KANK1: variants seen among roughly 807,000 people sequenced by gnomAD.
KANK1 encodes the protein KN motif and ankyrin repeat domain-containing protein 1.
Under a neutral mutation model 106.2 loss-of-function variants are expected in KANK1, and 109 were observed. The observed-to-expected ratio is 1.03, with a 90% CI of 0.88 to 1.20. KANK1 has a LOEUF of 1.20. Among genes scored for constraint, KANK1 ranks in the 50% most tolerant of loss-of-function variants. KANK1 has a pLI of 0.00. For synonymous variants in KANK1, 873 were observed against 652.2 expected (o/e 1.34, Z -5.16); for missense variants, 2,399 against 1,710.7 (o/e 1.40, Z -7.10).
intron 3 of KANK1, among the ~76,000 whole-genome samples, chr9:499,235 A>G (rs1421332003): frequency 6.6e-6 from 1 of 152,112 alleles, no homozygotes; most frequent in Non-Finnish European, 1.5e-5. Flanking sequence ...TTCCATTCCT[A>G]GATACATACC....
chr9:712,651 G>T lies in KANK1; in HGVS notation c.1885G>T (p.Gly629Cys). 3 of 1,614,144 alleles carry T rather than the reference G, an allele frequency of 1.9e-6. No individual in the cohort carries two copies. The highest frequency in any genetic ancestry group is 2.5e-6 in the Non-Finnish European group (3 of 1,180,034). ...NLNLKEVRSI[G>C]CGDCSVDVTV... ...GAATCTCAAAGAAGTGCGGTCTATC[G>T]GTTGTGGAGATTGTTCTGTTGACGT... Residue 629 changes from glycine to cysteine, a missense_variant, in exon 3 of 12, where the codon GGT (glycine) becomes TGT (cysteine). Coordinates refer to ENST00000382297, the MANE Select transcript of KANK1 (RefSeq NM_015158.5).
intron 1 of KANK1, among the ~76,000 whole-genome samples, chr9:567,655 C>T (rs771833100): frequency 6.6e-6 from 1 of 152,184 alleles, no homozygotes; most frequent in Non-Finnish European, 1.5e-5. Flanking sequence ...ATAAATGAAA[C>T]ATGTTTGGAA....
At chr9:615,623 G>C (rs776965746) in intron 1 of KANK1, among the ~76,000 whole-genome samples, 4 of 152,170 alleles carry the variant, frequency 2.6e-5, no homozygotes, top group Non-Finnish European at 5.9e-5. Flanking sequence ...TTTAGGTAAA[G>C]ACTTAATTAA....
intron 1 of KANK1, among the ~76,000 whole-genome samples, chr9:671,292 T>A (rs1028096720): frequency 2.5e-4 from 38 of 151,906 alleles, no homozygotes; most frequent in African/African-American, 9.0e-4. Context: ...CAGTTGACAT[T>A]CATATAAAGA....
intron 1 of KANK1, among the ~76,000 whole-genome samples, chr9:583,958 G>A (rs1278254481): frequency 6.6e-6 from 1 of 152,048 alleles, no homozygotes; most frequent in Non-Finnish European, 1.5e-5. Flanking sequence ...GGGTGTGGAG[G>A]AGTGGGTATT....
intron 1 of KANK1, among the ~76,000 whole-genome samples, chr9:586,603 T>C (rs1312749324): frequency 6.6e-6 from 1 of 152,170 alleles, no homozygotes; most frequent in Non-Finnish European, 1.5e-5. Context: ...AAGCCATGTG[T>C]GTGTTATGGA....
chr9:714,175 C>T (rs1564060457), intron 3 of KANK1, among the ~76,000 whole-genome samples: 1 of 152,054 alleles, frequency 6.6e-6, no homozygotes, highest in Non-Finnish European at 1.5e-5. Context: ...GAGCCCCTGT[C>T]CCTGCGGTGC....
chr9:744,301 T>C (rs548364455), intron 10 of KANK1, among the ~76,000 whole-genome samples, 190 bp from the exon 11 acceptor site: 7 of 152,334 alleles, frequency 4.6e-5, no homozygotes, highest in African/African-American at 1.7e-4. Context: ...GGTGGAGGCT[T>C]GCCTCATTCA....
chr9:584,431 C>T (rs1356682589), intron 1 of KANK1, among the ~76,000 whole-genome samples: 1 of 152,078 alleles, frequency 6.6e-6, no homozygotes, highest in Non-Finnish European at 1.5e-5. Flanking sequence ...CAAAGTACTA[C>T]TTTGAAGGAA....
At chr9:740,565 C>T (rs1216528474) in intron 8 of KANK1, among the ~76,000 whole-genome samples, 3 of 152,226 alleles carry the variant, frequency 2.0e-5, no homozygotes, top group African/African-American at 7.2e-5. Flanking sequence ...GCTGTGGAAG[C>T]TTACCGTTGT....
intron 1 of KANK1, among the ~76,000 whole-genome samples, chr9:511,569 G>C (rs890407809): frequency 6.9e-6 from 1 of 144,298 alleles, no homozygotes; most frequent in Non-Finnish European, 1.5e-5. Flanking sequence ...TGTTGGTTGA[G>C]GCAGTCACCT....
intron 3 of KANK1, among the ~76,000 whole-genome samples, chr9:728,623 C>G (rs1490066376): frequency 6.6e-6 from 1 of 152,168 alleles, no homozygotes; most frequent in African/African-American, 2.4e-5. Flanking sequence ...AGTCTGGTAC[C>G]TATTTAGGTC....
At chr9:706,772 C>G in intron 2 of KANK1, 1 of 985,334 alleles carries the variant, frequency 1.0e-6, no homozygotes, top group Non-Finnish European at 1.2e-6. Flanking sequence ...TGAGTGCTGC[C>G]CGGATCCTGA....
At chr9:568,585 G>A (rs189622351) in intron 1 of KANK1, among the ~76,000 whole-genome samples, 202 of 152,220 alleles carry the variant, frequency 1.3e-3, no homozygotes, top group Non-Finnish European at 2.0e-3. Flanking sequence ...AAACTCCTGG[G>A]CTCAAGCTAT....
Position 522,872 on chromosome 9 carries a change from C to G in KANK1, c.-84+18118C>G, listed in dbSNP as rs138918028. Among the ~76,000 whole-genome samples, 410 of 151,768 alleles carry G rather than the reference C, an allele frequency of 2.7e-3. 1 individual carries two copies. Among genetic ancestry groups the G allele is most frequent in the Non-Finnish European group, 4.9e-3 (336 of 68,018 alleles). On this transcript the variant is annotated intron_variant, in intron 1 of 11. Transcript: ENST00000382297. ...GTGCTGACAGCTCATGGGAATTAAG[C>G]CAGAATTGGCCCAAAAGCTAAATGC... is the stretch of plus-strand genomic sequence containing the variant.
chr9:491,010 C>T (rs111308194), intron 3 of KANK1, among the ~76,000 whole-genome samples: 43 of 132,814 alleles, frequency 3.2e-4, no homozygotes, highest in African/African-American at 1.1e-3. Flanking sequence ...CCTAGGCTGG[C>T]GTGCAGTGGT....
At chr9:657,084 T>C (rs1052614354) in intron 1 of KANK1, among the ~76,000 whole-genome samples, 1 of 152,198 alleles carries the variant, frequency 6.6e-6, no homozygotes, top group Non-Finnish European at 1.5e-5. Flanking sequence ...TACTTTCTGT[T>C]TCTATGACTT....
intron 1 of KANK1, among the ~76,000 whole-genome samples, chr9:526,513 G>C (rs2059798610): frequency 6.6e-6 from 1 of 151,600 alleles, no homozygotes; most frequent in Non-Finnish European, 1.5e-5. Flanking sequence ...ATGAATTCAA[G>C]ACCAGTCTGG....
chr9:581,082 C>G (rs544140079), intron 1 of KANK1, among the ~76,000 whole-genome samples: 2 of 151,930 alleles, frequency 1.3e-5, no homozygotes, highest in Non-Finnish European at 2.9e-5. Context: ...CACACCTACC[C>G]AGAACTCCTG....
Sources: allele counts gnomAD v4.1 joint callset (sites outside exome capture counted in the v4.1 genomes callset), GRCh38; gene constraint gnomAD v4.1.1; transcripts MANE v1.5; gene names NCBI Gene and HGNC (gene_info 2026-07-23, HGNC 2026-07-21).